MMRN1: variants seen among roughly 807,000 people sequenced by gnomAD.
MMRN1 encodes multimerin 1.
A neutral mutation model predicts 100.7 loss-of-function variants in MMRN1; 94 were observed. The ratio of observed to expected loss-of-function variants is 0.93; its 90% CI spans 0.79 to 1.11. MMRN1 has a LOEUF of 1.11. Among genes scored for constraint, MMRN1 ranks in the 50% least tolerant of loss-of-function variants. The pLI, the probability that MMRN1 is intolerant of heterozygous loss-of-function variation, is 0.00. For synonymous variants in MMRN1, 575 were observed against 505.0 expected (o/e 1.14, Z -1.86); for missense variants, 1,606 against 1,439.1 (o/e 1.12, Z -1.88).
intron 3 of MMRN1, among the ~76,000 whole-genome samples, chr4:89,915,567 CA>C (rs976884799): frequency 4.7e-5 from 7 of 149,818 alleles, no homozygotes; most frequent in South Asian, 2.1e-4. Flanking sequence ...GGAAGGAAAA[CA>C]AAAAAAACTT....
At chr4:89,901,316 TG>T (rs1333584663) in intron 1 of MMRN1, among the ~76,000 whole-genome samples, 2 of 151,972 alleles carry the variant, frequency 1.3e-5, no homozygotes, top group African/African-American at 4.8e-5. Context: ...AATTTGAATA[TG>T]CAGAAAAAGA....
At position 89,953,135 on chromosome 4, in the gene MMRN1, G is replaced by C. The variant is rs1231354233; in HGVS notation, c.3404G>C (p.Gly1135Ala). ...NYGASYTPRTGKFRIPYLGVY... is the reference protein window; with the variant it reads ...NYGASYTPRTAKFRIPYLGVY... ...GGAGCTTCATATACCCCAAGAACTGGAAAATTTAGAATTCCGTATCTTGGA... is the reference window on the plus strand; with the variant it reads ...GGAGCTTCATATACCCCAAGAACTGCAAAATTTAGAATTCCGTATCTTGGA... Residue 1135 changes from glycine to alanine, a missense_variant, in exon 8 of 8, where the codon GGA (glycine) becomes GCA (alanine). Gly to Ala is a moderately conservative substitution (Grantham distance 60, BLOSUM62 0). Coordinates refer to ENST00000264790, the MANE Select transcript of MMRN1 (RefSeq NM_007351.3). 6.2e-7 allele frequency: 1 copy of C among 1,613,754 alleles called. No individual in the cohort carries two copies. Among genetic ancestry groups the C allele is most frequent in the Admixed American group, 1.7e-5 (1 of 59,952 alleles).
At chr4:89,879,822 C>A (rs1199402530) in intron 1 of MMRN1, among the ~76,000 whole-genome samples, 1 of 152,030 alleles carries the variant, frequency 6.6e-6, no homozygotes, top group African/African-American at 2.4e-5. Context: ...TGGCAGAATT[C>A]AACAAGACAT....
intron 1 of MMRN1, among the ~76,000 whole-genome samples, chr4:89,881,089 T>C (rs891052402): frequency 6.6e-6 from 1 of 152,152 alleles, no homozygotes; most frequent in Non-Finnish European, 1.5e-5. Context: ...AGAATTGCTT[T>C]GCCTGTATTC....
At chr4:89,920,429 A>C (rs1220425931) in intron 3 of MMRN1, among the ~76,000 whole-genome samples, 3 of 152,138 alleles carry the variant, frequency 2.0e-5, no homozygotes, top group Non-Finnish European at 4.4e-5. Context: ...TTCCATGCTT[A>C]ACAGTGCCTC....
chr4:89,903,836 C>G (rs1425992079), intron 1 of MMRN1, among the ~76,000 whole-genome samples: 1 of 145,462 alleles, frequency 6.9e-6, no homozygotes, highest in South Asian at 2.3e-4. Context: ...TCTTTATTTT[C>G]TTTTGCTTAT....
At chr4:89,923,553 T>G (rs1195345754) in intron 4 of MMRN1, among the ~76,000 whole-genome samples, 1 of 152,180 alleles carries the variant, frequency 6.6e-6, no homozygotes, top group African/African-American at 2.4e-5. Context: ...TTTTCCAAAA[T>G]AAGACCAAAC....
chr4:89,914,366 C>A lies in MMRN1; in HGVS notation c.850+2316C>A, dbSNP rs544514941. Among the ~76,000 whole-genome samples the A allele has an allele frequency of 5.0e-4, 76 of 151,460 alleles. 2 individuals are homozygous for A. Among genetic ancestry groups the A allele is most frequent in the Non-Finnish European group, 8.7e-4 (59 of 67,530 alleles). ...AGATGTGGTGACTCAGAATACATGG[C>A]GATTCTCTCTTTATTCCACAATATG... On this transcript the variant is annotated intron_variant, in intron 3 of 7. Transcript: ENST00000264790.
chr4:89,915,835 C>T (rs1721894440), intron 3 of MMRN1, among the ~76,000 whole-genome samples: 1 of 151,622 alleles, frequency 6.6e-6, no homozygotes, highest in African/African-American at 2.4e-5. Flanking sequence ...AATAAATGTC[C>T]TTCTGTCCCT....
At position 89,935,989 on chromosome 4, in the gene MMRN1, A is replaced by T. The variant is rs758040467; in HGVS notation, c.2309A>T (p.Glu770Val). ...EIHHKCTSDM[E>V]TILTFIPQFH... is the part of the protein sequence containing the mutation. The stretch of plus-strand genomic sequence containing the variant: ...CATCATAAATGTACCTCCGATATGG[A>T]AACTATTTTGACATTTATTCCTCAG... Residue 770 changes from glutamate (E) to valine (V), a missense_variant, in exon 6 of 8, where the codon GAA becomes GTA. Physicochemically the swap from Glu to Val is moderately radical, Grantham distance 121. Transcript: ENST00000264790. 30 of 1,613,086 alleles carry T rather than the reference A, an allele frequency of 1.9e-5. 1 individual carries two copies. The Admixed American group carries it at 4.8e-4, about 26-fold the overall frequency.
Position 89,935,714 on chromosome 4 carries a change from A to G in MMRN1, c.2034A>G (p.Ile678Met), listed in dbSNP as rs1204703038. ...AAGCAATAGTGATAAGGAAAAAGAT[A>G]GAAAATCTGACTAGTGCTGTCAATA... ...PKEAIVIRKK[I>M]ENLTSAVNSL... The change falls in exon 6 of 8, where the codon ATA becomes ATG. Residue 678 changes from isoleucine (I) to methionine (M), a missense_variant. Physicochemically the swap from Ile to Met is conservative, Grantham distance 10. Coordinates refer to ENST00000264790, the MANE Select transcript of MMRN1 (RefSeq NM_007351.3). 3 of 1,611,950 alleles carry G rather than the reference A, an allele frequency of 1.9e-6. No individual in the cohort carries two copies. The highest frequency in any genetic ancestry group is 2.5e-6 in the Non-Finnish European group (3 of 1,179,388).
chr4:89,922,205 A>G (rs1307893405), intron 3 of MMRN1, among the ~76,000 whole-genome samples: 4 of 152,070 alleles, frequency 2.6e-5, no homozygotes, highest in Non-Finnish European at 5.9e-5. Context: ...CCCGGGTTCA[A>G]TAGACTCTCC....
In MMRN1 at chr4:89,895,327, C is replaced by T; in HGVS notation, c.356C>T (p.Thr119Ile). 6.2e-7 allele frequency: 1 copy of T among 1,613,940 alleles called. No homozygotes were observed. Among genetic ancestry groups the T allele is most frequent in the African/African-American group, 1.3e-5 (1 of 75,018 alleles). Residue 119 changes from threonine to isoleucine, a missense_variant, in exon 1 of 8, where the codon ACC becomes ATC. Transcript: ENST00000264790. ...AAGTTACAGAATCTTACCCTCCCAA[C>T]CAACGCTAGCATCAAGTTCAATCCT... The part of the protein sequence containing the change: ...VVKLQNLTLP[T>I]NASIKFNPGA...
At position 89,953,267 on chromosome 4, in the gene MMRN1, G is replaced by T. The variant is rs1477453331; in HGVS notation, c.3536G>T (p.Ser1179Ile). 1.2e-6 allele frequency: 2 copies of T among 1,613,846 alleles called. No homozygotes were observed. The highest frequency in any genetic ancestry group is 8.5e-7 in the Non-Finnish European group (1 of 1,179,844). Reference protein sequence around the residue: ...KLAFESENINSEIHCDRVLTG... With the variant: ...KLAFESENINIEIHCDRVLTG... ...GCATTTGAGTCTGAAAATATTAACA[G>T]TGAAATACACTGTGATAGGGTTTTA... Residue 1179 changes from serine to isoleucine, a missense_variant, in exon 8 of 8, where the codon AGT (serine) becomes ATT (isoleucine). By Grantham distance (142) the Ser-to-Ile change is moderately radical. Transcript: ENST00000264790.
Position 89,895,583 on chromosome 4 carries a change from A to T in MMRN1, c.612A>T (p.Thr204=). 1 of 1,612,704 alleles carries T rather than the reference A, an allele frequency of 6.2e-7. No individual in the cohort carries two copies. The highest frequency in any genetic ancestry group is 1.1e-5 in the South Asian group (1 of 91,008). Residue 204 remains threonine, a synonymous_variant, in exon 1 of 8, where the codon ACA becomes ACT. Coordinates refer to ENST00000264790, the MANE Select transcript of MMRN1 (RefSeq NM_007351.3). ...RTDYQKSNFE[T]TRGKNWCAYV... ...ACTACCAAAAATCAAATTTCGAAAC[A>T]ACTAGAGGAAAGTAAGAAATCTTCT...
intron 3 of MMRN1, among the ~76,000 whole-genome samples, chr4:89,916,777 T>C (rs973753414): frequency 6.6e-6 from 1 of 151,758 alleles, no homozygotes; most frequent in Admixed American, 6.6e-5. Flanking sequence ...CTATTTTCAA[T>C]CTATTGATTA....
At chr4:89,916,373 A>AAC (rs1721917835) in intron 3 of MMRN1, among the ~76,000 whole-genome samples, 1 of 145,842 alleles carries the variant, frequency 6.9e-6, no homozygotes, top group Non-Finnish European at 1.5e-5. Flanking sequence ...TGAAAAAAAA[A>AAC]AAACAAACAA....
At chr4:89,928,027 T>C (rs556163002) in intron 5 of MMRN1, 59 bp downstream of exon 5, 406 of 1,360,874 alleles carry the variant, frequency 3.0e-4, no homozygotes, top group Non-Finnish European at 3.9e-4. Flanking sequence ...ATGATTCATT[T>C]TTCTTTTCTT....
In MMRN1 at chr4:89,935,903, C is replaced by A. The variant is rs1578495881; in HGVS notation, c.2223C>A (p.Phe741Leu). Residue 741 changes from phenylalanine (F) to leucine (L), a missense_variant, in exon 6 of 8, where the codon TTC (phenylalanine) becomes TTA (leucine). Physicochemically the swap from Phe to Leu is conservative, Grantham distance 22. Coordinates refer to ENST00000264790, the MANE Select transcript of MMRN1 (RefSeq NM_007351.3). ...CTATTATAAATAATGCTATTGATTT[C>A]ATTCAAGATAACTATGCCCTAAAAG... Reference protein sequence around the residue: ...TMTIINNAIDFIQDNYALKET... With the variant: ...TMTIINNAIDLIQDNYALKET... 3.1e-6 allele frequency: 5 copies of A among 1,608,980 alleles called. No homozygotes were observed. In the African/African-American group the frequency reaches 4.0e-5, roughly 13 times the overall value.
Sources: allele counts gnomAD v4.1 joint callset (sites outside exome capture counted in the v4.1 genomes callset), GRCh38; gene constraint gnomAD v4.1.1; transcripts MANE v1.5; gene names NCBI Gene and HGNC (gene_info 2026-07-23, HGNC 2026-07-21).